The following DOCK1 variants were observed in gnomAD, a reference collection of about 807,000 sequenced individuals.
DOCK1 encodes dedicator of cytokinesis 1, also known as dedicator of cytokinesis protein 1.
Under a neutral mutation model 262.7 loss-of-function variants are expected in DOCK1, and 138 were observed. The observed-to-expected ratio is 0.53, with a 90% CI of 0.46 to 0.61. The LOEUF (loss-of-function observed/expected upper bound fraction) is 0.61. Among genes scored for constraint, DOCK1 ranks in the 20% least tolerant of loss-of-function variants. The pLI is 0.00. For synonymous variants in DOCK1, 866 were observed against 867.4 expected (o/e 1.00, Z 0.03); for missense variants, 1,908 against 2,370.7 (o/e 0.80, Z 4.05).
intron 29 of DOCK1, among the ~76,000 whole-genome samples, chr10:127,302,418 C>T (rs1177529374): frequency 1.3e-5 from 2 of 152,128 alleles, no homozygotes; most frequent in Non-Finnish European, 2.9e-5. Flanking sequence ...TGAGGGAATT[C>T]TGAAGCTGGT....
In DOCK1 at chr10:127,262,811, G is replaced by T. The variant is rs536078887; in HGVS notation, c.3044+5382G>T. 3.3e-5 allele frequency among the ~76,000 whole-genome samples: 5 copies of T among 152,292 alleles called. No homozygotes were observed. The East Asian group carries it at 9.7e-4, about 29-fold the overall frequency. ...CTCCCAGCACCAGGCACTGCTGTGG[G>T]GATGTCACGTGCCATCACGTCCTTC... On this transcript the variant is annotated intron_variant, in intron 29 of 51. Transcript: ENST00000623213.
chr10:127,006,351 C>G (rs1232311695), intron 10 of DOCK1, among the ~76,000 whole-genome samples: 2 of 152,238 alleles, frequency 1.3e-5, no homozygotes, highest in African/African-American at 4.8e-5. Flanking sequence ...CCTCTGTCTT[C>G]CAGCATCACG....
intron 29 of DOCK1, among the ~76,000 whole-genome samples, chr10:127,328,361 C>T (rs118014491): frequency 6.6e-6 from 1 of 152,224 alleles, no homozygotes; most frequent in Non-Finnish European, 1.5e-5. Context: ...ATGGTTTGCT[C>T]AAGGCCTCTG....
At chr10:126,974,667 G>A (rs960102138) in intron 2 of DOCK1, among the ~76,000 whole-genome samples, 3 of 152,054 alleles carry the variant, frequency 2.0e-5, no homozygotes, top group Admixed American at 6.6e-5. Context: ...AACCTCTGCC[G>A]GGACATCCTC....
chr10:127,444,032 A>T (rs1303813526), intron 49 of DOCK1, 94 bp from the exon 50 acceptor site: 2 of 1,478,406 alleles, frequency 1.4e-6, no homozygotes, highest in South Asian at 1.2e-5. Context: ...TTCTAAGGTA[A>T]TGGGGGTCAG....
chr10:127,250,405 T>C (rs1398804852), intron 28 of DOCK1, among the ~76,000 whole-genome samples: 3 of 152,216 alleles, frequency 2.0e-5, no homozygotes, highest in Admixed American at 6.5e-5. Flanking sequence ...ATGTTTACTG[T>C]GTGTTGTGGT....
intron 15 of DOCK1, chr10:127,026,073 G>GAA: frequency 4.5e-6 from 1 of 220,210 alleles, no homozygotes; most frequent in South Asian, 4.6e-5. Context: ...AAAAAAAAAA[G>GAA]AAAGAAAAAA....
chr10:127,447,688 T>G, intron 51 of DOCK1, 143 bp downstream of exon 51: 1 of 1,352,344 alleles, frequency 7.4e-7, no homozygotes, highest in Non-Finnish European at 9.8e-7. Context: ...GGGTTTGATT[T>G]TGCAAAAAGA....
chr10:127,416,562 G>A (rs2134446523), intron 44 of DOCK1, among the ~76,000 whole-genome samples: 1 of 152,280 alleles, frequency 6.6e-6, no homozygotes, highest in South Asian at 2.1e-4. Context: ...AGACTAAGAG[G>A]GCAGGAAGGC....
At chr10:127,110,396 A>G (rs2048795100) in intron 25 of DOCK1, 42 bp downstream of exon 25, 1 of 1,554,072 alleles carries the variant, frequency 6.4e-7, no homozygotes, top group East Asian at 2.3e-5. Flanking sequence ...CCTGTTATTT[A>G]TTTTCTGAAG....
intron 27 of DOCK1, among the ~76,000 whole-genome samples, chr10:127,167,372 C>T (rs1176595162): frequency 6.6e-6 from 1 of 152,132 alleles, no homozygotes; most frequent in Non-Finnish European, 1.5e-5. Context: ...TGCAACCTTG[C>T]AGGACAGAGA....
intron 1 of DOCK1, among the ~76,000 whole-genome samples, chr10:126,925,919 A>T (rs2033681971): frequency 6.6e-6 from 1 of 151,874 alleles, no homozygotes; most frequent in African/African-American, 2.4e-5. Context: ...TTGAGCTGGT[A>T]ACACTGAGAA....
At chr10:127,173,089 C>T (rs760266168) in intron 27 of DOCK1, among the ~76,000 whole-genome samples, 5 of 152,246 alleles carry the variant, frequency 3.3e-5, no homozygotes, top group East Asian at 1.9e-4. Flanking sequence ...TCACATTGGA[C>T]GCCCACAAGA....
intron 25 of DOCK1, among the ~76,000 whole-genome samples, chr10:127,115,125 C>G (rs1419360645): frequency 6.6e-6 from 1 of 152,114 alleles, no homozygotes; most frequent in Non-Finnish European, 1.5e-5. Flanking sequence ...TCACAGCATT[C>G]CATTTTTTGT....
At chr10:127,230,749 GGTTTTTTGTTTTTTTT>G (rs2058809986) in intron 27 of DOCK1, among the ~76,000 whole-genome samples, 1 of 151,426 alleles carries the variant, frequency 6.6e-6, no homozygotes, top group Middle Eastern at 3.4e-3. Flanking sequence ...AGCTATTCTG[GGTTTTTTGTTTTTTTT>G]GTTTTTTGTT....
chr10:127,168,845 G>T (rs184294709), intron 27 of DOCK1, among the ~76,000 whole-genome samples: 92 of 152,312 alleles, frequency 6.0e-4, no homozygotes, highest in African/African-American at 2.1e-3. Context: ...AATTTTCCAT[G>T]TGGGTTCTTT....
At position 127,345,549 on chromosome 10, in the gene DOCK1, T is replaced by A. The variant is rs532037923; in HGVS notation, c.3224+1803T>A. On this transcript the variant is annotated intron_variant, in intron 31 of 51. Transcript: ENST00000623213. ...CCTTCAGGCCTCCTCAGCTGGGTGA[T>A]TCCTGCCTGACAGCCATCTGTGTAA... 1.1e-4 allele frequency among the ~76,000 whole-genome samples: 17 copies of A among 152,352 alleles called. No homozygotes were observed. In the South Asian group the frequency reaches 3.5e-3, roughly 32 times the overall value.
At chr10:127,109,738 A>T (rs1463240210) in intron 24 of DOCK1, among the ~76,000 whole-genome samples, 2 of 152,176 alleles carry the variant, frequency 1.3e-5, no homozygotes, top group Admixed American at 1.3e-4. Context: ...GTGTGGCTAT[A>T]CTGCATTTTG....
intron 12 of DOCK1, among the ~76,000 whole-genome samples, chr10:127,014,412 A>G (rs541779985): frequency 1.3e-5 from 2 of 151,660 alleles, no homozygotes; most frequent in African/African-American, 4.9e-5. Flanking sequence ...TTCCATTTTT[A>G]AAGCGTGTGG....
Sources: gnomAD v4.1 joint callset for allele counts (sites outside exome capture counted in the v4.1 genomes callset) on GRCh38, gnomAD v4.1.1 for gene constraint, MANE v1.5 for transcripts, NCBI Gene and HGNC (gene_info 2026-07-23, HGNC 2026-07-21) for gene names.